PTPRM: variants seen among roughly 807,000 people sequenced by gnomAD.
PTPRM encodes receptor-type tyrosine-protein phosphatase mu.
Under a neutral mutation model 186.7 loss-of-function variants are expected in PTPRM, and 47 were observed. The observed-to-expected ratio is 0.25, with a 90% confidence interval of 0.20 to 0.32. The LOEUF (loss-of-function observed/expected upper bound fraction) is 0.32. PTPRM is among the 10% of genes least tolerant of loss of function. The probability of loss-of-function intolerance (pLI) is 1.00; values close to 1 mark genes in which losing one functional copy is unlikely to be tolerated. For missense variants in PTPRM, 1,494 were observed against 1,865.0 expected, an observed-to-expected ratio of 0.80 and a Z score of 3.66; for synonymous variants, 668 against 674.9, an observed-to-expected ratio of 0.99 and a Z score of 0.16.
At chr18:8,345,972 A>G (rs1302678999) in intron 23 of PTPRM, among the ~76,000 whole-genome samples, 2 of 152,260 alleles carry the variant, frequency 1.3e-5, no homozygotes, top group Non-Finnish European at 2.9e-5. Context: ...ATAAGTGACC[A>G]GACAAGGGGG....
intron 7 of PTPRM, among the ~76,000 whole-genome samples, chr18:7,994,120 GA>G (rs983875939): frequency 1.6e-4 from 25 of 151,998 alleles, no homozygotes; most frequent in Non-Finnish European, 3.7e-4. Flanking sequence ...GAAGAGATGG[GA>G]AAAAATAATT....
intron 1 of PTPRM, among the ~76,000 whole-genome samples, chr18:7,590,557 T>TA (rs531779918): frequency 9.7e-4 from 147 of 152,230 alleles, no homozygotes; most frequent in South Asian, 2.1e-4. Flanking sequence ...TTTGGAGAAG[T>TA]AAAAAAATTG....
intron 14 of PTPRM, among the ~76,000 whole-genome samples, chr18:8,200,280 C>A (rs558633633): frequency 5.3e-5 from 8 of 152,100 alleles, no homozygotes; most frequent in African/African-American, 1.7e-4. Context: ...GTGCCCCCAC[C>A]GAGACCCAGG....
At chr18:8,093,137 C>A (rs1267541601) in intron 11 of PTPRM, among the ~76,000 whole-genome samples, 2 of 149,540 alleles carry the variant, frequency 1.3e-5, no homozygotes, top group African/African-American at 4.9e-5. Flanking sequence ...TTTTTTTTCT[C>A]AAGCAGCAGC....
intron 1 of PTPRM, among the ~76,000 whole-genome samples, chr18:7,735,238 G>A (rs981715193): frequency 1.3e-5 from 2 of 152,118 alleles, no homozygotes; most frequent in African/African-American, 4.8e-5. Flanking sequence ...CCAACATAGT[G>A]ACACCCCATC....
intron 1 of PTPRM, among the ~76,000 whole-genome samples, chr18:7,750,564 T>C (rs750988566): frequency 1.3e-5 from 2 of 152,224 alleles, no homozygotes; most frequent in Non-Finnish European, 2.9e-5. Context: ...TTTTCTGTTT[T>C]ATATTTAAGA....
chr18:7,632,899 A>G (rs2038225233), intron 1 of PTPRM, among the ~76,000 whole-genome samples: 1 of 152,232 alleles, frequency 6.6e-6, no homozygotes. Context: ...GTCAGCAATT[A>G]GCAGTAACAG....
At chr18:7,894,013 C>A (rs1246865536) in intron 3 of PTPRM, among the ~76,000 whole-genome samples, 1 of 151,996 alleles carries the variant, frequency 6.6e-6, no homozygotes, top group Non-Finnish European at 1.5e-5. Flanking sequence ...GGACAAAAAA[C>A]AAAACAAACA....
chr18:8,005,904 A>G (rs1341623840), intron 7 of PTPRM, among the ~76,000 whole-genome samples: 5 of 152,244 alleles, frequency 3.3e-5, no homozygotes, highest in African/African-American at 1.2e-4. Flanking sequence ...TAAGTGCTAT[A>G]TTAGAGCTGG....
chr18:8,089,029 G>T (rs658110), intron 11 of PTPRM, among the ~76,000 whole-genome samples, 178 bp downstream of exon 11: 1 of 151,974 alleles, frequency 6.6e-6, no homozygotes, highest in Non-Finnish European at 1.5e-5. Context: ...TTGATGTAAG[G>T]TGATCAAGTA....
Position 7,912,678 on chromosome 18 carries a change from A to ATT in PTPRM, c.547+6108_547+6109dup, listed in dbSNP as rs374480635. On this transcript the variant is annotated intron_variant, in intron 4 of 32. Coordinates refer to ENST00000580170, the MANE Select transcript of PTPRM (RefSeq NM_001105244.2). The stretch of plus-strand genomic sequence containing the variant: ...AGGCACCCGCCACCACGCCCGGCTA[A>ATT]TTTTTTTTTTTTTTGTATTTTTAGT... 6.7e-4 allele frequency among the ~76,000 whole-genome samples: 98 copies of ATT among 145,536 alleles called. 1 individual carries two copies. The highest frequency in any genetic ancestry group is 2.4e-3 in the South Asian group (11 of 4,582).
At chr18:7,573,598 G>GT (rs556971057) in intron 1 of PTPRM, among the ~76,000 whole-genome samples, 17 of 151,132 alleles carry the variant, frequency 1.1e-4, no homozygotes, top group South Asian at 2.1e-4. Context: ...GTTTTGTTTT[G>GT]TTTTTTTTGA....
At chr18:8,328,036 A>G (rs1325729444) in intron 22 of PTPRM, among the ~76,000 whole-genome samples, 1 of 152,246 alleles carries the variant, frequency 6.6e-6, no homozygotes, top group Non-Finnish European at 1.5e-5. Context: ...ACACTGCACA[A>G]CAGTTCAAAC....
chr18:8,304,020 A>G (rs1477094957), intron 20 of PTPRM, among the ~76,000 whole-genome samples: 1 of 152,224 alleles, frequency 6.6e-6, no homozygotes, highest in Non-Finnish European at 1.5e-5. Context: ...CTTCTCTCAG[A>G]GGCTAAATAT....
intron 7 of PTPRM, among the ~76,000 whole-genome samples, chr18:8,028,041 A>C (rs1568210832): frequency 6.6e-6 from 1 of 151,956 alleles, no homozygotes; most frequent in Non-Finnish European, 1.5e-5. Flanking sequence ...TCACCCTGTC[A>C]CCCAGGCTAG....
chr18:7,965,228 C>G (rs1338145023), intron 7 of PTPRM, among the ~76,000 whole-genome samples: 1 of 151,938 alleles, frequency 6.6e-6, no homozygotes, highest in Non-Finnish European at 1.5e-5. Flanking sequence ...TTGTATTTAG[C>G]AGAGATGGGG....
intron 14 of PTPRM, among the ~76,000 whole-genome samples, chr18:8,159,452 C>A (rs140645730): frequency 6.6e-6 from 1 of 152,142 alleles, no homozygotes; most frequent in South Asian, 2.1e-4. Context: ...TCCCAACATA[C>A]TATTTCTTTG....
chr18:8,017,576 CCTT>C (rs2084952588), intron 7 of PTPRM, among the ~76,000 whole-genome samples: 1 of 87,380 alleles, frequency 1.1e-5, no homozygotes, highest in South Asian at 4.4e-4. Context: ...GAGTAAGACT[CCTT>C]CTCAAAAAAA....
intron 7 of PTPRM, among the ~76,000 whole-genome samples, chr18:7,982,695 C>T (rs770594223): frequency 6.6e-6 from 1 of 152,102 alleles, no homozygotes; most frequent in African/African-American, 2.4e-5. Flanking sequence ...GATTTCTTTA[C>T]AGCACCATCA....
Sources: allele counts gnomAD v4.1 joint callset (sites outside exome capture counted in the v4.1 genomes callset), GRCh38; gene constraint gnomAD v4.1.1; transcripts MANE v1.5; gene names NCBI Gene and HGNC (gene_info 2026-07-23, HGNC 2026-07-21).